The following ACTR5 variants were observed in gnomAD, a reference collection of about 807,000 sequenced individuals.
ACTR5 encodes the protein actin related protein 5.
A neutral mutation model predicts 61.2 loss-of-function variants in ACTR5; 43 were observed. The observed-to-expected ratio is 0.70, with a 90% CI of 0.55 to 0.91. The LOEUF (loss-of-function observed/expected upper bound fraction) is 0.91. Among genes scored for constraint, ACTR5 ranks in the 40% least tolerant of loss-of-function variants. The pLI is 0.00. For synonymous variants in ACTR5, 333 were observed against 310.5 expected, an observed-to-expected ratio of 1.07 and a Z score of -0.76; for missense variants, 798 against 782.2, an observed-to-expected ratio of 1.02 and a Z score of -0.24.
intron 5 of ACTR5, among the ~76,000 whole-genome samples, chr20:38,764,698 T>C (rs2084474818): frequency 6.6e-6 from 1 of 152,140 alleles, no homozygotes; most frequent in Non-Finnish European, 1.5e-5. Context: ...TGAGGCAGAG[T>C]CTTGCTCTTT....
chr20:38,757,517 C>T (rs961787500), intron 5 of ACTR5, among the ~76,000 whole-genome samples: 8 of 151,934 alleles, frequency 5.3e-5, no homozygotes, highest in Non-Finnish European at 7.4e-5. Context: ...TTTCATTAAG[C>T]TGTTGATTAC....
At chr20:38,763,704 CACCCATCAAA>C (rs1446286552) in intron 5 of ACTR5, among the ~76,000 whole-genome samples, 3 of 152,242 alleles carry the variant, frequency 2.0e-5, no homozygotes, top group African/African-American at 7.2e-5. Flanking sequence ...ATAGCATCCT[CACCCATCAAA>C]TACAGTAATG....
rs778923159 is a variant in ACTR5, at chr20:38,766,318, A to G, written c.1374A>G (p.Pro458=). The change falls in exon 7 of 9, where the codon CCA becomes CCG. Residue 458 remains proline, a synonymous_variant. Coordinates refer to ENST00000243903, the MANE Select transcript of ACTR5 (RefSeq NM_024855.4). ...GAGCTCCAGAGATTATTTTCCAGCC[A>G]TCTCTCATAGGAGAAGAACAGGCTG... The part of the protein sequence containing the change: ...RIRAPEIIFQ[P]SLIGEEQAGI... 6.2e-6 allele frequency: 10 copies of G among 1,614,036 alleles called. No homozygotes were observed. The highest frequency in any genetic ancestry group is 1.7e-5 in the Admixed American group (1 of 59,978).
At chr20:38,757,423 T>TA (rs150163078) in intron 5 of ACTR5, among the ~76,000 whole-genome samples, 13,314 of 152,230 alleles carry the variant, frequency 0.087, 594 homozygotes, top group African/African-American at 0.12. Context: ...CAAAGGAACT[T>TA]ACTGCCTTGA....
In ACTR5 at chr20:38,771,868, G is replaced by C; in HGVS notation, c.*52G>C. ...GCACGCCATGCCTTGGGCCACGTTG[G>C]CAGTGTGACAGGACTGTGATTGTGC... is the stretch of plus-strand genomic sequence containing the variant. On this transcript the variant is annotated 3_prime_UTR_variant, in exon 9 of 9. Transcript: ENST00000243903. The C allele has an allele frequency of 6.4e-7, 1 of 1,560,560 alleles. No individual in the cohort carries two copies. Among genetic ancestry groups the C allele is most frequent in the Non-Finnish European group, 8.6e-7 (1 of 1,156,904 alleles).
At chr20:38,770,030 T>A (rs1009245379) in intron 8 of ACTR5, among the ~76,000 whole-genome samples, 1 of 152,208 alleles carries the variant, frequency 6.6e-6, no homozygotes, top group African/African-American at 2.4e-5. Flanking sequence ...TGAGCATTGG[T>A]TGTGGAATGC....
intron 5 of ACTR5, chr20:38,761,914 G>A (rs2084457234): frequency 1.3e-5 from 2 of 152,250 alleles, no homozygotes; most frequent in South Asian, 4.1e-4. Context: ...GCAGAAGGAA[G>A]CTGAGAAGTA....
chr20:38,769,088 C>A (rs1272514285), intron 8 of ACTR5, among the ~76,000 whole-genome samples: 1 of 152,188 alleles, frequency 6.6e-6, no homozygotes, highest in Non-Finnish European at 1.5e-5. Context: ...ATCATTCCCC[C>A]TTCCACCCGC....
intron 5 of ACTR5, among the ~76,000 whole-genome samples, chr20:38,758,560 T>C (rs965275333): frequency 4.0e-5 from 6 of 151,660 alleles, no homozygotes; most frequent in Admixed American, 2.0e-4. Flanking sequence ...GGCAGGAGAA[T>C]CGCTTGAACC....
intron 3 of ACTR5, among the ~76,000 whole-genome samples, chr20:38,752,786 C>G (rs1353006748): frequency 6.6e-6 from 1 of 152,110 alleles, no homozygotes; most frequent in Non-Finnish European, 1.5e-5. Context: ...TTAAATAGTT[C>G]ATATAAAACC....
Position 38,765,457 on chromosome 20 carries a change from A to G in ACTR5, c.1232A>G (p.Asp411Gly), listed in dbSNP as rs201347262. 14 of 1,614,004 alleles carry G rather than the reference A, an allele frequency of 8.7e-6. No homozygotes were observed. The highest frequency in any genetic ancestry group is 1.2e-5 in the Non-Finnish European group (14 of 1,180,020). Residue 411 changes from aspartate (D) to glycine (G), a missense_variant, in exon 6 of 9, where the codon GAT (aspartate) becomes GGT (glycine). Coordinates refer to ENST00000243903, the MANE Select transcript of ACTR5 (RefSeq NM_024855.4). ...PSLEDVESMNDFDPLFSEETP... is the reference protein window; with the variant it reads ...PSLEDVESMNGFDPLFSEETP... Reference sequence around the variant, plus strand: ...TTGGAAGATGTGGAAAGCATGAATGATTTTGATCCCTTGTTTTCAGAGGAA... The same window carrying G: ...TTGGAAGATGTGGAAAGCATGAATGGTTTTGATCCCTTGTTTTCAGAGGAA...
Position 38,754,977 on chromosome 20 carries a change from C to T in ACTR5, c.796C>T (p.Pro266Ser). ...TGAAGAATTACACAAATGGCGGTGT[C>T]CTGATTATTATGAGAATAATGTCCA... ...YVEELHKWRC[P>S]DYYENNVHKM... Residue 266 changes from proline to serine, a missense_variant, in exon 4 of 9, where the codon CCT becomes TCT. Physicochemically the swap from Pro to Ser is moderately conservative, Grantham distance 74. Transcript: ENST00000243903. 6.2e-7 allele frequency: 1 copy of T among 1,614,206 alleles called. No homozygotes were observed. The highest frequency in any genetic ancestry group is 8.5e-7 in the Non-Finnish European group (1 of 1,180,042).
chr20:38,770,133 C>G (rs752049839), intron 8 of ACTR5, among the ~76,000 whole-genome samples: 2 of 151,924 alleles, frequency 1.3e-5, no homozygotes, highest in Non-Finnish European at 2.9e-5. Flanking sequence ...TGTTTCTGCC[C>G]CCTTTCACAT....
rs1215873289 is a variant in ACTR5, at chr20:38,755,013, C to A, written c.832C>A (p.Leu278Ile). 2 of 1,614,142 alleles carry A rather than the reference C, an allele frequency of 1.2e-6. No individual in the cohort carries two copies. The highest frequency in any genetic ancestry group is 1.7e-6 in the Non-Finnish European group (2 of 1,180,056). Residue 278 changes from leucine to isoleucine, a missense_variant, in exon 4 of 9, where the codon CTC becomes ATC. By Grantham distance (5) the Leu-to-Ile change is conservative. Coordinates refer to ENST00000243903, the MANE Select transcript of ACTR5 (RefSeq NM_024855.4). ...TGAGAATAATGTCCACAAGATGCAGCTCCCATTTTCCAGCAAGCTCCTGGG... is the reference window on the plus strand; with the variant it reads ...TGAGAATAATGTCCACAAGATGCAGATCCCATTTTCCAGCAAGCTCCTGGG... Reference protein sequence around the residue: ...YYENNVHKMQLPFSSKLLGST... With the variant: ...YYENNVHKMQIPFSSKLLGST...
chr20:38,761,306 G>T (rs2084452628), intron 5 of ACTR5, among the ~76,000 whole-genome samples: 1 of 152,102 alleles, frequency 6.6e-6, no homozygotes, highest in Non-Finnish European at 1.5e-5. Flanking sequence ...GCTATGGGAG[G>T]ACAGAATCAA....
chr20:38,748,930 G>C (rs2084369682), intron 1 of ACTR5, 77 bp downstream of exon 1: 1 of 1,506,150 alleles, frequency 6.6e-7, no homozygotes, highest in Admixed American at 2.1e-5. Flanking sequence ...CTCTGCTCTC[G>C]GAGAGGTAAC....
chr20:38,765,732 C>G (rs925695439), intron 6 of ACTR5, among the ~76,000 whole-genome samples: 1 of 152,134 alleles, frequency 6.6e-6, no homozygotes, highest in African/African-American at 2.4e-5. Flanking sequence ...AACAGTCCAC[C>G]CGGCAGAAAC....
rs1367670776 is a variant in ACTR5 at position 38,748,608 on chromosome 20, G to T, written c.130G>T (p.Ala44Ser). 1.3e-6 allele frequency: 2 copies of T among 1,523,162 alleles called. No individual in the cohort carries two copies. The highest frequency in any genetic ancestry group is 1.8e-6 in the Non-Finnish European group (2 of 1,137,638). 94.4% of individuals were successfully genotyped at this position (1,523,162 alleles called of 1,614,324 possible). A position where few individuals can be genotyped will look rare whatever the true frequency, so the allele number is the denominator to read the frequency against. ...VLDNGSFQVR[A>S]GWACPGQDPG... ...GGACAACGGGTCGTTCCAAGTCCGC[G>T]CTGGCTGGGCGTGTCCCGGGCAGGA... The change falls in exon 1 of 9, where the codon GCT (alanine) becomes TCT (serine). Residue 44 changes from alanine (A) to serine (S), a missense_variant. Physicochemically the swap from Ala to Ser is moderately conservative, Grantham distance 99. Coordinates refer to ENST00000243903, the MANE Select transcript of ACTR5 (RefSeq NM_024855.4).
intron 2 of ACTR5, among the ~76,000 whole-genome samples, chr20:38,750,606 GTT>G (rs11478491): frequency 0.2 from 27,378 of 140,364 alleles, 2,447 homozygotes; most frequent in African/African-American, 0.23. Flanking sequence ...AGTTTTTTTT[GTT>G]TTTTTTTTGT....
Sources: allele counts gnomAD v4.1 joint callset (sites outside exome capture counted in the v4.1 genomes callset), GRCh38; gene constraint gnomAD v4.1.1; transcripts MANE v1.5; gene names NCBI Gene and HGNC (gene_info 2026-07-23, HGNC 2026-07-21).